The following ZNF557 variants were observed in gnomAD, a reference collection of about 807,000 sequenced individuals.
The protein encoded by ZNF557 is zinc finger protein 557.
A neutral mutation model predicts 21.2 loss-of-function variants in ZNF557; 19 were observed. That is an observed-to-expected ratio of 0.90 (90% CI 0.63 to 1.32). ZNF557 has a LOEUF of 1.32. Among genes scored for constraint, ZNF557 ranks in the 40% most tolerant of loss-of-function variants. The probability of loss-of-function intolerance (pLI) is 0.00; values close to 1 mark genes in which losing one functional copy is unlikely to be tolerated. For missense variants in ZNF557, 487 were observed against 519.8 expected (o/e 0.94, Z 0.61); for synonymous variants, 207 against 194.8 (o/e 1.06, Z -0.52).
At chr19:7,073,064 A>T (rs565834832) in intron 2 of ZNF557, among the ~76,000 whole-genome samples, 1 of 152,280 alleles carries the variant, frequency 6.6e-6, no homozygotes, top group Admixed American at 6.5e-5. Context: ...CCGTTTGTGC[A>T]ACACAGCTGC....
chr19:7,082,155 C>A, intron 7 of ZNF557, 103 bp downstream of exon 7: 1 of 864,042 alleles, frequency 1.2e-6, no homozygotes, highest in Non-Finnish European at 1.8e-6. Flanking sequence ...GTGGCTCATG[C>A]CTTTAATCCC....
rs765605367 is a variant in ZNF557, at chr19:7,075,048, C to T, written c.-27C>T. 2 of 1,613,954 alleles carry T rather than the reference C, an allele frequency of 1.2e-6. No individual in the cohort carries two copies. The highest frequency in any genetic ancestry group is 1.3e-5 in the African/African-American group (1 of 74,900). Reference sequence around the variant, plus strand: ...AAAGGAGGAGCGTCCTGCTTCCCGGCTGCCCTGTTGCTGTCGGAGTCACAG... The same window carrying T: ...AAAGGAGGAGCGTCCTGCTTCCCGGTTGCCCTGTTGCTGTCGGAGTCACAG... On this transcript the variant is annotated 5_prime_UTR_variant, in exon 3 of 8. Coordinates refer to ENST00000252840, the MANE Select transcript of ZNF557 (RefSeq NM_024341.3).
chr19:7,076,303 C>G (rs539249000), intron 4 of ZNF557, 78 bp from the exon 5 acceptor site: 4 of 1,613,898 alleles, frequency 2.5e-6, no homozygotes, highest in Middle Eastern at 1.7e-4. Flanking sequence ...AGCCCTGGCT[C>G]TGTTCTCCTG....
intron 5 of ZNF557, among the ~76,000 whole-genome samples, chr19:7,078,139 A>G (rs562271136): frequency 6.6e-6 from 1 of 152,298 alleles, no homozygotes; most frequent in African/African-American, 2.4e-5. Flanking sequence ...TGCAGGAGAT[A>G]GAATTCTTGG....
At chr19:7,077,188 T>C (rs1263359656) in intron 5 of ZNF557, among the ~76,000 whole-genome samples, 1 of 125,694 alleles carries the variant, frequency 8.0e-6, no homozygotes, top group Non-Finnish European at 1.6e-5. Context: ...CAGGCTGGAG[T>C]GCAGTGGTGT....
rs57651395 is a variant in ZNF557 at position 7,086,356 on chromosome 19, C to CTTTTTTT, written c.*2629_*2635dup. 1.4e-3 allele frequency: 123 copies of CTTTTTTT among 86,656 alleles called. No homozygotes were observed. The highest frequency in any genetic ancestry group is 2.0e-3 in the Non-Finnish European group (96 of 47,688). The allele number at this position is 86,656 out of a possible 1,614,324, so 5.4% of individuals were successfully genotyped here. A position where few individuals can be genotyped will look rare whatever the true frequency, so the allele number is the denominator to read the frequency against. On this transcript the variant is annotated 3_prime_UTR_variant, in exon 8 of 8. Transcript: ENST00000252840. Reference sequence around the variant, plus strand: ...TGTCCTAATATAGCAAATACTGTTTCTTTTTTTTTTTTTTTTTTTTTTTGA... The same window carrying CTTTTTTT: ...TGTCCTAATATAGCAAATACTGTTTCTTTTTTTTTTTTTTTTTTTTTTTTTTTTTTGA...
rs1977771072 is a variant in ZNF557 at position 7,083,653 on chromosome 19, A to G, written c.1202A>G (p.Lys401Arg). The change falls in exon 8 of 8, where the codon AAA (lysine) becomes AGA (arginine). Residue 401 changes from lysine (K) to arginine (R), a missense_variant. Transcript: ENST00000252840. ...VKKHMRTHTG[K>R]KPYECNYCGK... ...AAACACATGAGAACTCACACTGGAA[A>G]AAAACCCTATGAATGTAATTATTGC... The G allele has an allele frequency of 2.5e-6, 4 of 1,614,118 alleles. No homozygotes were observed. In the South Asian group the frequency reaches 3.3e-5, roughly 13 times the overall value.
At position 7,075,099 on chromosome 19, in the gene ZNF557, A is replaced by G. The variant is rs74552344; in HGVS notation, c.25A>G (p.Thr9Ala). Reference sequence around the variant, plus strand: ...GATGGCGGCTGTCGTCCTGCCCCCAACTGCCGGTGAGTCATGGGGTCCTGG... The same window carrying G: ...GATGGCGGCTGTCGTCCTGCCCCCAGCTGCCGGTGAGTCATGGGGTCCTGG... MAAVVLPP[T>A]AALSSLFPAS... The change falls in exon 3 of 8, where the codon ACT (threonine) becomes GCT (alanine). Residue 9 changes from threonine (T) to alanine (A), a missense_variant. By Grantham distance (58) the Thr-to-Ala change is moderately conservative. Transcript: ENST00000252840. 6.1e-5 allele frequency: 99 copies of G among 1,613,868 alleles called. No homozygotes were observed. The highest frequency in any genetic ancestry group is 1.8e-4 in the South Asian group (16 of 91,084).
At chr19:7,076,353 C>T in intron 4 of ZNF557, 28 bp from the exon 5 acceptor site, 1 of 1,614,112 alleles carries the variant, frequency 6.2e-7, no homozygotes, top group South Asian at 1.1e-5. Flanking sequence ...TGGTCCTTGG[C>T]TAAGCCGTGA....
rs1327359391 is a variant in ZNF557, at chr19:7,086,070, A to C, written c.*2326A>C. ...CATGGTGAAACCCCGCTTCTACTAA[A>C]AAATACAAAAATTAGCCGGGTGTGG... On this transcript the variant is annotated 3_prime_UTR_variant, in exon 8 of 8. Transcript: ENST00000252840. 6.6e-6 allele frequency: 1 copy of C among 151,836 alleles called. No homozygotes were observed. The highest frequency in any genetic ancestry group is 2.4e-5 in the African/African-American group (1 of 41,314). 9.4% of individuals were successfully genotyped at this position (151,836 alleles called of 1,614,324 possible). A position where few individuals can be genotyped will look rare whatever the true frequency, so the allele number is the denominator to read the frequency against.
At chr19:7,076,160 G>C (rs375804511) in intron 4 of ZNF557, among the ~76,000 whole-genome samples, 1 of 152,204 alleles carries the variant, frequency 6.6e-6, no homozygotes, top group Admixed American at 6.5e-5. Context: ...CTGCTCTGCG[G>C]TACTGTGCGC....
chr19:7,073,436 G>A (rs578107353), intron 2 of ZNF557, among the ~76,000 whole-genome samples: 38 of 152,188 alleles, frequency 2.5e-4, no homozygotes, highest in South Asian at 8.3e-4. Flanking sequence ...GATTGCAGGC[G>A]TGAGCCACTG....
intron 5 of ZNF557, among the ~76,000 whole-genome samples, chr19:7,078,797 T>C (rs2145171310): frequency 6.6e-6 from 1 of 152,276 alleles, no homozygotes; most frequent in Non-Finnish European, 1.5e-5. Context: ...CCATTATGTG[T>C]ATTCAGATGT....
In ZNF557 at chr19:7,083,621, C is replaced by A. The variant is rs182199804; in HGVS notation, c.1170C>A (p.Ser390=). 1 of 1,613,932 alleles carries A rather than the reference C, an allele frequency of 6.2e-7. No individual in the cohort carries two copies. The highest frequency in any genetic ancestry group is 1.1e-5 in the South Asian group (1 of 91,066). Residue 390 remains serine, a synonymous_variant, in exon 8 of 8, where the codon TCC becomes TCA. Transcript: ENST00000252840. ...GAAAATCCTTTAATGTTCTCTCATC[C>A]GTTAAGAAACACATGAGAACTCACA... The part of the protein sequence containing the change: ...DCGKSFNVLS[S]VKKHMRTHTG...
Position 7,076,512 on chromosome 19 carries a change from G to A in ZNF557, c.247+5G>A, listed in dbSNP as rs1165381295. The A allele has an allele frequency of 1.2e-6, 2 of 1,610,322 alleles. No individual in the cohort carries two copies. The highest frequency in any genetic ancestry group is 1.7e-6 in the Non-Finnish European group (2 of 1,178,314). ...GCAGGAACCTGGCCTCACTGGGTAA[G>A]CCTAATGTCATTCCTGCATTTATTT... On this transcript the variant is annotated splice_donor_5th_base_variant and intron_variant, in intron 5 of 7. Transcript: ENST00000252840.
In ZNF557 at chr19:7,085,557, G is replaced by A. The variant is rs941082925; in HGVS notation, c.*1813G>A. 10 of 152,278 alleles carry A rather than the reference G, an allele frequency of 6.6e-5. No homozygotes were observed. In the East Asian group the frequency reaches 1.3e-3, roughly 21 times the overall value. The allele number at this position is 152,278 out of a possible 1,614,324, so 9.4% of individuals were successfully genotyped here. On this transcript the variant is annotated 3_prime_UTR_variant, in exon 8 of 8. Transcript: ENST00000252840. ...AATGTTCCTTGGATGCAATACTCAC[G>A]AGTGTATTAATTTCAGAAAAATTTT...
In ZNF557 at chr19:7,078,201, G is replaced by A. The variant is rs373583703; in HGVS notation, c.247+1694G>A. Among the ~76,000 whole-genome samples, 144 of 152,106 alleles carry A rather than the reference G, an allele frequency of 9.5e-4. 2 individuals are homozygous for A. The South Asian group carries it at 0.026, about 27-fold the overall frequency. On this transcript the variant is annotated intron_variant, in intron 5 of 7. Transcript: ENST00000252840. The stretch of plus-strand genomic sequence containing the variant: ...GTATGTCATCATCCCACTGGCTTGC[G>A]GCCTCCATGGTTTCTGGTGACAAAT...
rs771921680 is a variant in ZNF557 at position 7,081,358 on chromosome 19, A to G, written c.248-2A>G. 6.2e-7 allele frequency: 1 copy of G among 1,611,268 alleles called. No individual in the cohort carries two copies. Among genetic ancestry groups the G allele is most frequent in the Non-Finnish European group, 8.5e-7 (1 of 1,177,584 alleles). ...CATCATGTGTCTTTTCTCCATGTAC[A>G]GGGAACCAAGTTGATAAACCTAGGC... On this transcript the variant is annotated splice_acceptor_variant, in intron 5 of 7. Transcript: ENST00000252840. LOFTEE classifies it high-confidence loss of function.
chr19:7,074,252 C>T (rs991680645), intron 2 of ZNF557, among the ~76,000 whole-genome samples: 1 of 151,604 alleles, frequency 6.6e-6, no homozygotes, highest in Non-Finnish European at 1.5e-5. Flanking sequence ...GTGATCCGCC[C>T]GCCTCGGCCT....
Sources: gnomAD v4.1 joint callset for allele counts (sites outside exome capture counted in the v4.1 genomes callset) on GRCh38, gnomAD v4.1.1 for gene constraint, MANE v1.5 for transcripts, NCBI Gene and HGNC (gene_info 2026-07-23, HGNC 2026-07-21) for gene names.